ZSCAN31: variants seen among roughly 807,000 people sequenced by gnomAD.
The protein encoded by ZSCAN31 is zinc finger and SCAN domain-containing protein 31.
A neutral mutation model predicts 22.5 loss-of-function variants in ZSCAN31; 14 were observed. The ratio of observed to expected loss-of-function variants is 0.62; its 90% CI spans 0.41 to 0.97. The LOEUF (loss-of-function observed/expected upper bound fraction) is 0.97, where lower values mean the gene tolerates loss of function less well. ZSCAN31 is among the 50% of genes least tolerant of loss of function. The pLI, the probability that ZSCAN31 is intolerant of heterozygous loss-of-function variation, is 0.00. For missense variants in ZSCAN31, 424 were observed against 483.4 expected, an observed-to-expected ratio of 0.88 and a Z score of 1.15; for synonymous variants, 168 against 169.8, an observed-to-expected ratio of 0.99 and a Z score of 0.08.
intron 2 of ZSCAN31, among the ~76,000 whole-genome samples, chr6:28,342,297 G>A (rs953748069): frequency 2.3e-4 from 35 of 152,288 alleles, no homozygotes; most frequent in Non-Finnish European, 7.4e-5. Flanking sequence ...GCACCAAAAA[G>A]TCTCGACTCC....
intron 1 of ZSCAN31, among the ~76,000 whole-genome samples, chr6:28,332,105 A>C (rs6456812): frequency 0.04 from 6,124 of 152,186 alleles, 305 homozygotes; most frequent in African/African-American, 0.12. Context: ...GGAACACAGA[A>C]GGGAAAATAC....
chr6:28,326,832 G>A lies in ZSCAN31; in HGVS notation c.555C>T (p.Asn185=). The A allele has an allele frequency of 6.2e-7, 1 of 1,611,448 alleles. No homozygotes were observed. Among genetic ancestry groups the A allele is most frequent in the Non-Finnish European group, 8.5e-7 (1 of 1,179,624 alleles). The change falls in exon 4 of 4, where the codon AAC becomes AAT. Residue 185 remains asparagine (N), a synonymous_variant. Transcript: ENST00000344279. Reference sequence around the variant, plus strand: ...TTTCTTGCTTTGATGCCAACTCCTGGTTCTCAGGTATACTTTCACCATCTG... The same window carrying A: ...TTTCTTGCTTTGATGCCAACTCCTGATTCTCAGGTATACTTTCACCATCTG... The part of the protein sequence containing the change: ...QEQDGESIPE[N]QELASKQEIL...
rs1763697668 is a variant in ZSCAN31 at position 28,331,006 on chromosome 6, C to A, written c.-95-1228G>T. Among the ~76,000 whole-genome samples, 1 of 152,070 alleles carries A rather than the reference C, an allele frequency of 6.6e-6. No individual in the cohort carries two copies. Among genetic ancestry groups the A allele is most frequent in the Non-Finnish European group, 1.5e-5 (1 of 68,020 alleles). On this transcript the variant is annotated intron_variant, in intron 1 of 3. Transcript: ENST00000344279. The surrounding 1 kb of genome is among the most constrained non-coding windows in gnomAD (Gnocchi z 4.8). ...ACAATGGCGATAAAGACAGGCAAAG[C>A]TGAACTATAGAATATGGGTTGTGGG... is the stretch of plus-strand genomic sequence containing the variant.
chr6:28,336,814 T>G (rs1310274380), upstream of ZSCAN31: 1 of 149,654 alleles, frequency 6.7e-6, no homozygotes, highest in Non-Finnish European at 1.5e-5. Flanking sequence ...GTCTGTCCAC[T>G]TCCTCTGGTC....
At chr6:28,330,444 C>T (rs979451551) in intron 1 of ZSCAN31, among the ~76,000 whole-genome samples, 1 of 152,156 alleles carries the variant, frequency 6.6e-6, no homozygotes, top group Non-Finnish European at 1.5e-5. Flanking sequence ...GGGTGAACCT[C>T]TGGGAAGCAG....
chr6:28,337,703 A>C (rs182932605), upstream of ZSCAN31: 1 of 152,326 alleles, frequency 6.6e-6, no homozygotes, highest in Non-Finnish European at 1.5e-5. Context: ...CCCAGCTTAT[A>C]CAATTCAAGA....
rs370891903 is a variant in ZSCAN31, at chr6:28,329,700, G to A, written c.-17C>T. ...TGAAGCCATTCCTGGGGTTAATTTG[G>A]AAGGCTTACTCTGGCTTTAAGTAAA... On this transcript the variant is annotated 5_prime_UTR_variant, in exon 2 of 4. Coordinates refer to ENST00000344279, the MANE Select transcript of ZSCAN31 (RefSeq NM_030899.5). The A allele has an allele frequency of 4.2e-5, 67 of 1,598,404 alleles. No individual in the cohort carries two copies. The African/African-American group carries it at 5.8e-4, about 14-fold the overall frequency.
Position 28,326,759 on chromosome 6 carries a change from C to T in ZSCAN31, c.628G>A (p.Val210Ile). 1.2e-6 allele frequency: 2 copies of T among 1,613,810 alleles called. No homozygotes were observed. The highest frequency in any genetic ancestry group is 1.3e-5 in the African/African-American group (1 of 75,042). The change falls in exon 4 of 4, where the codon GTA (valine) becomes ATA (isoleucine). Residue 210 changes from valine to isoleucine, a missense_variant. Val to Ile is a conservative substitution (Grantham distance 29). Coordinates refer to ENST00000344279, the MANE Select transcript of ZSCAN31 (RefSeq NM_030899.5). ...HLGDSKLQRD[V>I]SLDSKYRETC... Reference sequence around the variant, plus strand: ...TCTCTGTACTTAGAATCCAAAGATACATCTCTTTGGAGTTTGCTATCCCCC... The same window carrying T: ...TCTCTGTACTTAGAATCCAAAGATATATCTCTTTGGAGTTTGCTATCCCCC...
intron 2 of ZSCAN31, among the ~76,000 whole-genome samples, chr6:28,352,774 G>T (rs868083049): frequency 8.5e-5 from 13 of 152,222 alleles, no homozygotes; most frequent in Middle Eastern, 3.4e-3. Flanking sequence ...TTAGGAGGAA[G>T]TATTTTCTGG....
At chr6:28,345,471 G>T (rs1415758726) in intron 2 of ZSCAN31, among the ~76,000 whole-genome samples, 1 of 152,166 alleles carries the variant, frequency 6.6e-6, no homozygotes, top group East Asian at 1.9e-4. Flanking sequence ...CCCGCTCAGT[G>T]GTGCCTGGCT....
Position 28,327,396 on chromosome 6 carries a change from T to C in ZSCAN31, c.519A>G (p.Gln173=). 1.9e-6 allele frequency: 3 copies of C among 1,614,016 alleles called. No individual in the cohort carries two copies. Among genetic ancestry groups the C allele is most frequent in the African/African-American group, 1.3e-5 (1 of 74,992 alleles). The part of the protein sequence containing the change: ...QLRYESFCLH[Q]FQEQDGESIP... ...CAAAATCCTTACCTTGTTCTTGAAA[T>C]TGGTGGAGGCAAAAAGATTCATATC... Residue 173 remains glutamine (Q), a synonymous_variant, in exon 3 of 4, where the codon CAA becomes CAG. Coordinates refer to ENST00000344279, the MANE Select transcript of ZSCAN31 (RefSeq NM_030899.5).
chr6:28,332,550 G>A (rs780213033), intron 1 of ZSCAN31, among the ~76,000 whole-genome samples: 4 of 152,178 alleles, frequency 2.6e-5, no homozygotes, highest in Admixed American at 2.0e-4. Context: ...CATATAAAAA[G>A]CTTAGCGCAG....
intron 2 of ZSCAN31, among the ~76,000 whole-genome samples, chr6:28,344,998 T>G (rs886443691): frequency 1.1e-4 from 17 of 148,996 alleles, no homozygotes; most frequent in Non-Finnish European, 2.1e-4. Context: ...AAGAAAAAAT[T>G]AGCCGGCATG....
chr6:28,337,725 A>C (rs1764248802), upstream of ZSCAN31: 1 of 152,184 alleles, frequency 6.6e-6, no homozygotes, highest in Non-Finnish European at 1.5e-5. Context: ...ACCTTATTTG[A>C]GAAAAGGAAT....
At position 28,329,540 on chromosome 6, in the gene ZSCAN31, T is replaced by C. The variant is rs142442794; in HGVS notation, c.144A>G (p.Gln48=). ...GAGCTTCTCGGGGACCAGGAGTCTCTTGGTAACAAAACTGCCTAAAAAGTT... is the reference window on the plus strand; with the variant it reads ...GAGCTTCTCGGGGACCAGGAGTCTCCTGGTAACAAAACTGCCTAAAAAGTT... The part of the protein sequence containing the change: ...SRQLFRQFCY[Q]ETPGPREALS... The change falls in exon 2 of 4, where the codon CAA becomes CAG. Residue 48 remains glutamine, a synonymous_variant. Transcript: ENST00000344279. 308 of 1,614,220 alleles carry C rather than the reference T, an allele frequency of 1.9e-4. 2 individuals carry two copies. The highest frequency in any genetic ancestry group is 1.0e-3 in the South Asian group (91 of 91,082).
At chr6:28,332,595 A>G (rs1359452423) in intron 1 of ZSCAN31, among the ~76,000 whole-genome samples, 4 of 152,262 alleles carry the variant, frequency 2.6e-5, no homozygotes, top group African/African-American at 9.6e-5. Flanking sequence ...ATAAATATCA[A>G]TGAGCAGGTA....
At chr6:28,342,333 C>T (rs1048184550) in intron 2 of ZSCAN31, among the ~76,000 whole-genome samples, 1 of 152,192 alleles carries the variant, frequency 6.6e-6, no homozygotes, top group African/African-American at 2.4e-5. Flanking sequence ...CCCTGTGGAC[C>T]TTCAAAAGTA....
At chr6:28,346,559 G>A (rs1041944968) in intron 2 of ZSCAN31, among the ~76,000 whole-genome samples, 6 of 151,898 alleles carry the variant, frequency 4.0e-5, no homozygotes, top group Non-Finnish European at 8.8e-5. Flanking sequence ...GTTTCACCAT[G>A]TTGTCCAGGC....
intron 2 of ZSCAN31, among the ~76,000 whole-genome samples, chr6:28,328,380 G>C (rs910467231): frequency 6.6e-6 from 1 of 152,200 alleles, no homozygotes; most frequent in Non-Finnish European, 1.5e-5. Context: ...AGGGGGGCCA[G>C]TTCAGAGACC....
Sources: allele counts gnomAD v4.1 joint callset (sites outside exome capture counted in the v4.1 genomes callset), GRCh38; gene constraint gnomAD v4.1.1; non-coding constraint Gnocchi (gnomAD v3.1); transcripts MANE v1.5; gene names NCBI Gene and HGNC (gene_info 2026-07-23, HGNC 2026-07-21).